DNAH17: variants seen among roughly 807,000 people sequenced by gnomAD.
DNAH17 encodes dynein axonemal heavy chain 17, also known as axonemal beta dynein heavy chain 17.
DNAH17 carries 376 observed loss-of-function variants against 485.6 expected under a neutral mutation model. The observed-to-expected ratio is 0.77, with a 90% confidence interval of 0.71 to 0.84. DNAH17 has a LOEUF of 0.84. Ranked by LOEUF, DNAH17 falls within the 40% of genes least tolerant of loss-of-function variation. The probability of loss-of-function intolerance (pLI) is 0.00; values close to 1 mark genes in which losing one functional copy is unlikely to be tolerated. For missense variants in DNAH17, 6,370 were observed against 5,839.3 expected (o/e 1.09, Z -2.96); for synonymous variants, 3,031 against 2,405.9 (o/e 1.26, Z -7.60).
intron 21 of DNAH17, among the ~76,000 whole-genome samples, chr17:78,530,015 G>A (rs576366560): frequency 6.6e-6 from 1 of 152,364 alleles, no homozygotes; most frequent in African/African-American, 2.4e-5. Context: ...TGCCCATCAT[G>A]GCCCTGATGG....
In DNAH17 at chr17:78,485,069, C is replaced by G. The variant is rs760251917; in HGVS notation, c.7484-36G>C. On this transcript the variant is annotated intron_variant, in intron 47 of 80. Coordinates refer to ENST00000389840, the MANE Select transcript of DNAH17 (RefSeq NM_173628.4). The stretch of plus-strand genomic sequence containing the variant: ...CAGAGGGTCAGCTGCCCGCCTGCGC[C>G]TCCTGAGCCAGAGCCTGTTAGGTAG... 2.4e-5 allele frequency: 38 copies of G among 1,565,352 alleles called. No individual in the cohort carries two copies. In the South Asian group the frequency reaches 4.6e-4, roughly 19 times the overall value.
chr17:78,479,742 TG>T, intron 49 of DNAH17, 110 bp from the exon 50 acceptor site: 1 of 1,485,602 alleles, frequency 6.7e-7, no homozygotes, highest in Non-Finnish European at 9.0e-7. Flanking sequence ...TAAGGTCTTT[TG>T]GGCATTGTCA....
chr17:78,570,517 C>T, intron 6 of DNAH17, 145 bp from the exon 7 acceptor site: 2 of 1,093,804 alleles, frequency 1.8e-6, no homozygotes, highest in African/African-American at 1.6e-5. Context: ...TCCCTAGGCC[C>T]ACACATCTGA....
Position 78,459,212 on chromosome 17 carries a change from GCGAGGGAA to G in DNAH17, c.9654-12_9654-5del. 2 of 1,613,598 alleles carry G rather than the reference GCGAGGGAA, an allele frequency of 1.2e-6. No homozygotes were observed. The highest frequency in any genetic ancestry group is 1.7e-6 in the Non-Finnish European group (2 of 1,179,782). On this transcript the variant is annotated splice_polypyrimidine_tract_variant and splice_region_variant and intron_variant, in intron 60 of 80. Transcript: ENST00000389840. ...CGTCGGGTTGCCTTGGTAGGGCCTAGCGAGGGAACCAGAGGGCCGGAGTCGTCACCCTG... is the reference window on the plus strand; with the variant it reads ...CGTCGGGTTGCCTTGGTAGGGCCTAGCCAGAGGGCCGGAGTCGTCACCCTG...
chr17:78,455,064 C>A (rs1253659465), intron 63 of DNAH17, among the ~76,000 whole-genome samples: 1 of 152,176 alleles, frequency 6.6e-6, no homozygotes, highest in Non-Finnish European at 1.5e-5. Context: ...TGCCCGCCAC[C>A]ATGCCCAGCT....
chr17:78,558,841 C>T (rs1016368074), intron 13 of DNAH17, among the ~76,000 whole-genome samples: 1 of 152,242 alleles, frequency 6.6e-6, no homozygotes, highest in African/African-American at 2.4e-5. Context: ...CTTCTGTCCA[C>T]AAAGCTATTC....
chr17:78,454,434 G>A (rs1437084766), intron 64 of DNAH17, 36 bp downstream of exon 64: 6 of 1,550,940 alleles, frequency 3.9e-6, no homozygotes, highest in South Asian at 3.5e-5. Flanking sequence ...TCCAAGCAGA[G>A]CCGGGCTTCG....
At position 78,426,615 on chromosome 17, in the gene DNAH17, G is replaced by C. The variant is rs767310335; in HGVS notation, c.12772-15C>G. 12 of 1,592,212 alleles carry C rather than the reference G, an allele frequency of 7.5e-6. No homozygotes were observed. Among genetic ancestry groups the C allele is most frequent in the East Asian group, 2.2e-5 (1 of 44,590 alleles). Reference sequence around the variant, plus strand: ...GTCAGTTCTCCCTAGGAGACACACAGATGGGTGTGGGGAGCCCTGAGCTGG... The same window carrying C: ...GTCAGTTCTCCCTAGGAGACACACACATGGGTGTGGGGAGCCCTGAGCTGG... On this transcript the variant is annotated splice_polypyrimidine_tract_variant and intron_variant, in intron 78 of 80. Transcript: ENST00000389840.
At chr17:78,426,727 C>T in intron 78 of DNAH17, 127 bp from the exon 79 acceptor site, 1 of 1,387,008 alleles carries the variant, frequency 7.2e-7, no homozygotes, top group Non-Finnish European at 9.8e-7. Context: ...CGCCCTGCAT[C>T]AGGGCCACGC....
In DNAH17 at chr17:78,532,823, T is replaced by C. The variant is rs1373301660; in HGVS notation, c.2860-87A>G. The C allele has an allele frequency of 6.4e-6, 9 of 1,409,198 alleles. No homozygotes were observed. The East Asian group carries it at 2.0e-4, about 31-fold the overall frequency. 87.3% of individuals were successfully genotyped at this position (1,409,198 alleles called of 1,614,324 possible). On this transcript the variant is annotated intron_variant, in intron 19 of 80. Transcript: ENST00000389840. ...TTGTCCTCTCGGCCTTGAGAAGTGG[T>C]TCTCTGTTGGCGAAAGGGCTTCCAA...
intron 49 of DNAH17, 71 bp downstream of exon 49, chr17:78,480,613 T>C (rs923190779): frequency 2.2e-6 from 3 of 1,345,768 alleles, no homozygotes; most frequent in African/African-American, 1.5e-5. Context: ...ACCAAAGCTT[T>C]TCCTCTCATT....
intron 14 of DNAH17, among the ~76,000 whole-genome samples, chr17:78,553,285 T>G (rs868235070): frequency 8.3e-3 from 153 of 18,360 alleles, no homozygotes; most frequent in South Asian, 0.013. Context: ...GTTTTTGTGT[T>G]TTTTTTTTTT....
intron 57 of DNAH17, 73 bp from the exon 58 acceptor site, chr17:78,461,781 G>A (rs1332722635): frequency 4.1e-6 from 6 of 1,448,574 alleles, no homozygotes; most frequent in Admixed American, 2.3e-5. Flanking sequence ...CTGGGCAGAC[G>A]AGGGCTGGGA....
At chr17:78,549,200 G>GATGAGATA (rs2091845235) in intron 16 of DNAH17, among the ~76,000 whole-genome samples, 1 of 152,320 alleles carries the variant, frequency 6.6e-6, no homozygotes, top group East Asian at 1.9e-4. Flanking sequence ...CTTGGGTTTA[G>GATGAGATA]ATGAGATAAT....
chr17:78,436,138 G>A (rs2086844204), intron 74 of DNAH17, among the ~76,000 whole-genome samples: 1 of 152,196 alleles, frequency 6.6e-6, no homozygotes, highest in Admixed American at 6.5e-5. Context: ...GAATGATACA[G>A]GGTGTTGGCC....
rs2086964832 is a variant in DNAH17, at chr17:78,439,023, C to G, written c.11805+67G>C. 4 of 1,564,446 alleles carry G rather than the reference C, an allele frequency of 2.6e-6. No homozygotes were observed. In the African/African-American group the frequency reaches 5.5e-5, roughly 21 times the overall value. ...CACATCCTGCTTCCTTCCGGGCCTTCTGGCCCATCCCCATTGGCCACCTCA... is the reference window on the plus strand; with the variant it reads ...CACATCCTGCTTCCTTCCGGGCCTTGTGGCCCATCCCCATTGGCCACCTCA... On this transcript the variant is annotated intron_variant, in intron 73 of 80. Coordinates refer to ENST00000389840, the MANE Select transcript of DNAH17 (RefSeq NM_173628.4).
chr17:78,528,025 C>T (rs566157690), intron 22 of DNAH17, among the ~76,000 whole-genome samples: 3 of 151,912 alleles, frequency 2.0e-5, no homozygotes, highest in African/African-American at 4.8e-5. Flanking sequence ...GTAATCTGCC[C>T]GCCTCGGCCT....
Position 78,572,686 on chromosome 17 carries a change from G to A in DNAH17, c.539+15C>T. The A allele has an allele frequency of 6.3e-7, 1 of 1,588,180 alleles. No individual in the cohort carries two copies. Among genetic ancestry groups the A allele is most frequent in the Non-Finnish European group, 8.6e-7 (1 of 1,167,718 alleles). ...CCCCACCCAGCGGCAGCCGGAAGCAGCTGGGCCCACACACCTCTCCATGGA... is the reference window on the plus strand; with the variant it reads ...CCCCACCCAGCGGCAGCCGGAAGCAACTGGGCCCACACACCTCTCCATGGA... On this transcript the variant is annotated intron_variant, in intron 3 of 80. Coordinates refer to ENST00000389840, the MANE Select transcript of DNAH17 (RefSeq NM_173628.4).
Position 78,454,633 on chromosome 17 carries a change from T to G in DNAH17, c.10243A>C (p.Asn3415His). 6.2e-7 allele frequency: 1 copy of G among 1,613,182 alleles called. No homozygotes were observed. The highest frequency in any genetic ancestry group is 8.5e-7 in the Non-Finnish European group (1 of 1,179,876). ...CGGTCGCTGGGGAGGCCCTGGTTGT[T>G]CCAGGTGGCCACGTCCGCGTCATCT... ...LTDDADVATWNNQGLPSDRMS... is the reference protein window; with the variant it reads ...LTDDADVATWHNQGLPSDRMS... The change falls in exon 64 of 81, where the codon AAC becomes CAC. Residue 3415 changes from asparagine (N) to histidine (H), a missense_variant. Coordinates refer to ENST00000389840, the MANE Select transcript of DNAH17 (RefSeq NM_173628.4).
Sources: allele counts gnomAD v4.1 joint callset (sites outside exome capture counted in the v4.1 genomes callset), GRCh38; gene constraint gnomAD v4.1.1; transcripts MANE v1.5; gene names NCBI Gene and HGNC (gene_info 2026-07-23, HGNC 2026-07-21).